SLIT1: variants seen among roughly 807,000 people sequenced by gnomAD.
SLIT1 encodes the protein slit homolog 1 protein.
Under a neutral mutation model 186.1 loss-of-function variants are expected in SLIT1, and 66 were observed. The observed-to-expected ratio is 0.35, with a 90% confidence interval of 0.29 to 0.44. The LOEUF is 0.44. Among genes scored for constraint, SLIT1 ranks in the 20% least tolerant of loss-of-function variants. The pLI, the probability that SLIT1 is intolerant of heterozygous loss-of-function variation, is 1.00. For missense variants in SLIT1, 1,638 were observed against 2,037.4 expected (o/e 0.80, Z 3.77); for synonymous variants, 761 against 833.8 (o/e 0.91, Z 1.50).
chr10:97,087,436 C>T (rs1849174788), intron 4 of SLIT1, among the ~76,000 whole-genome samples: 1 of 152,252 alleles, frequency 6.6e-6, no homozygotes, highest in African/African-American at 2.4e-5. Flanking sequence ...GCATTTGTCA[C>T]ATTGCATGTC....
At chr10:97,128,536 G>A (rs2134692922) in intron 4 of SLIT1, among the ~76,000 whole-genome samples, 1 of 152,290 alleles carries the variant, frequency 6.6e-6, no homozygotes, top group African/African-American at 2.4e-5. Context: ...TCGGGCTCTG[G>A]GAGCAGGAGT....
At chr10:97,085,653 T>C (rs1258284094) in intron 4 of SLIT1, among the ~76,000 whole-genome samples, 3 of 152,256 alleles carry the variant, frequency 2.0e-5, no homozygotes, top group African/African-American at 7.2e-5. Context: ...CCCAAAGTGC[T>C]GGGATTATGG....
intron 4 of SLIT1, among the ~76,000 whole-genome samples, chr10:97,090,697 C>T (rs555357919): frequency 3.3e-5 from 5 of 152,150 alleles, no homozygotes; most frequent in East Asian, 1.9e-4. Flanking sequence ...TGGAAAAGGG[C>T]GGAAGAGGGT....
Position 97,049,117 on chromosome 10 carries a change from G to T in SLIT1, c.1303C>A (p.His435Asn). Residue 435 changes from histidine (H) to asparagine (N), a missense_variant and splice_region_variant, in exon 14 of 37, where the codon CAC becomes AAC. His to Asn is a moderately conservative substitution (Grantham distance 68, BLOSUM62 1). Around this residue, in one of 3 missense-constraint regions of SLIT1, gnomAD observed 1,245 missense variants for 1,535.3 expected, o/e 0.81. Transcript: ENST00000266058. ...CAAATGAAAGGGTTCTGCGCCAGGTGCCTGTCCAAAGCAGGCAGATCAGCT... is the reference window on the plus strand; with the variant it reads ...CAAATGAAAGGGTTCTGCGCCAGGTTCCTGTCCAAAGCAGGCAGATCAGCT... ...FTSLRAIQTLHLAQNPFICDC... is the reference protein window; with the variant it reads ...FTSLRAIQTLNLAQNPFICDC... The T allele has an allele frequency of 6.2e-7, 1 of 1,612,400 alleles. No homozygotes were observed.
At chr10:97,141,696 CGT>C (rs1849762655) in intron 4 of SLIT1, among the ~76,000 whole-genome samples, 1 of 95,934 alleles carries the variant, frequency 1.0e-5, no homozygotes, top group African/African-American at 6.7e-5. Context: ...CGTATCGTAT[CGT>C]ATCGTATTGT....
At chr10:97,153,175 AAGCTGCTCTGTGGTCCAAG>A (rs1849900053) in intron 4 of SLIT1, 1 of 152,200 alleles carries the variant, frequency 6.6e-6, no homozygotes, top group Admixed American at 6.5e-5. Flanking sequence ...CCCTATTGTC[AAGCTGCTCTGTGGTCCAAG>A]GCAAATCACC....
chr10:97,035,916 C>G (rs1040525452), intron 22 of SLIT1, among the ~76,000 whole-genome samples: 9 of 152,170 alleles, frequency 5.9e-5, no homozygotes, highest in East Asian at 1.9e-4. Flanking sequence ...ATGCCCTCCC[C>G]GCAAGCCGCC....
intron 1 of SLIT1, among the ~76,000 whole-genome samples, chr10:97,178,469 A>G (rs1397538536): frequency 6.6e-6 from 1 of 152,232 alleles, no homozygotes; most frequent in African/African-American, 2.4e-5. Context: ...AGAAAGGCTG[A>G]GGAGCTCTTC....
At chr10:97,085,213 A>G (rs185587315) in intron 4 of SLIT1, among the ~76,000 whole-genome samples, 4 of 151,486 alleles carry the variant, frequency 2.6e-5, no homozygotes, top group East Asian at 2.0e-4. Context: ...GTGAGCCACC[A>G]CGCCCAGCGT....
At chr10:97,153,244 G>A (rs148664917) in intron 4 of SLIT1, 1 of 152,322 alleles carries the variant, frequency 6.6e-6, no homozygotes, top group Non-Finnish European at 1.5e-5. Flanking sequence ...GAAATAGACA[G>A]ACTAACCTCA....
At chr10:97,065,706 C>T (rs372738199) in intron 5 of SLIT1, 74 of 285,228 alleles carry the variant, frequency 2.6e-4, no homozygotes, top group Non-Finnish European at 4.0e-4. Context: ...AAATATGAGG[C>T]GGGCACAGAC....
intron 1 of SLIT1, among the ~76,000 whole-genome samples, chr10:97,166,517 CA>C (rs57740497): frequency 1.1e-5 from 1 of 94,708 alleles, no homozygotes; most frequent in Non-Finnish European, 2.1e-5. Context: ...ACTCTGTCTC[CA>C]AAAAAAAAGA....
At chr10:97,126,326 C>T (rs772907993) in intron 4 of SLIT1, among the ~76,000 whole-genome samples, 3 of 152,154 alleles carry the variant, frequency 2.0e-5, no homozygotes, top group African/African-American at 7.2e-5. Context: ...GAAGACCCCA[C>T]GGGGTGAACA....
chr10:97,091,550 G>GC (rs1564673290), intron 4 of SLIT1, among the ~76,000 whole-genome samples: 1 of 152,254 alleles, frequency 6.6e-6, no homozygotes, highest in Admixed American at 6.5e-5. Flanking sequence ...TAAGCTCTCA[G>GC]CCCCCCAAAT....
At chr10:97,121,167 T>C (rs1470871364) in intron 4 of SLIT1, among the ~76,000 whole-genome samples, 1 of 152,200 alleles carries the variant, frequency 6.6e-6, no homozygotes, top group African/African-American at 2.4e-5. Context: ...ATTTGTTAAG[T>C]TCATTAGCTC....
intron 25 of SLIT1, among the ~76,000 whole-genome samples, chr10:97,029,045 A>G (rs148784801): frequency 1.3e-5 from 2 of 152,294 alleles, no homozygotes; most frequent in East Asian, 3.9e-4. Flanking sequence ...CCTGCCAATC[A>G]TGTGGAGCTG....
intron 23 of SLIT1, 33 bp downstream of exon 23, chr10:97,034,437 CG>C: frequency 6.4e-7 from 1 of 1,566,892 alleles, no homozygotes; most frequent in Non-Finnish European, 8.8e-7. Flanking sequence ...GCCATGGCCC[CG>C]GGGCCCCCCA....
rs558701135 is a variant in SLIT1 at position 97,011,376 on chromosome 10, G to A, written c.3204-246C>T. On this transcript the variant is annotated intron_variant, in intron 30 of 36. Transcript: ENST00000266058. ...GACTTGAGGTAGGGGCCTGGGGCTGGAAGAGTGGACCCCAGTAGCAGGGGC... is the reference window on the plus strand; with the variant it reads ...GACTTGAGGTAGGGGCCTGGGGCTGAAAGAGTGGACCCCAGTAGCAGGGGC... 7.2e-5 allele frequency among the ~76,000 whole-genome samples: 11 copies of A among 152,256 alleles called. No homozygotes were observed. The South Asian group carries it at 2.1e-3, about 29-fold the overall frequency.
intron 4 of SLIT1, chr10:97,103,523 C>T (rs1394171706): frequency 2.0e-5 from 3 of 152,190 alleles, no homozygotes; most frequent in Non-Finnish European, 2.9e-5. Context: ...CAGCTCTCTC[C>T]CCAAACTGCC....
Sources: allele counts gnomAD v4.1 joint callset (sites outside exome capture counted in the v4.1 genomes callset), GRCh38; gene constraint gnomAD v4.1.1; regional missense constraint gnomAD v4.1.1; transcripts MANE v1.5; gene names NCBI Gene and HGNC (gene_info 2026-07-23, HGNC 2026-07-21).